ATXN1: variants seen among roughly 807,000 people sequenced by gnomAD.
The protein encoded by ATXN1 is ataxin 1, also known as ataxin-1.
In ATXN1, 8 loss-of-function variants were observed where a neutral mutation model predicts 56.4. The observed-to-expected ratio is 0.14, with a 90% CI of 0.08 to 0.26. ATXN1 has a LOEUF of 0.26. Among genes scored for constraint, ATXN1 ranks in the 10% least tolerant of loss-of-function variants. The pLI, the probability that ATXN1 is intolerant of heterozygous loss-of-function variation, is 1.00. For missense variants in ATXN1, 987 were observed against 1,106.5 expected (o/e 0.89, Z 1.53); for synonymous variants, 514 against 494.6 (o/e 1.04, Z -0.52).
At chr6:16,513,655 C>T (rs1041499219) in intron 5 of ATXN1, among the ~76,000 whole-genome samples, 2 of 152,082 alleles carry the variant, frequency 1.3e-5, no homozygotes, top group East Asian at 3.9e-4. Context: ...CACGTGTCTT[C>T]CAAGCCAAGT....
At chr6:16,457,089 A>G (rs1759891499) in intron 6 of ATXN1, among the ~76,000 whole-genome samples, 1 of 152,302 alleles carries the variant, frequency 6.6e-6, no homozygotes, top group East Asian at 1.9e-4. Flanking sequence ...TTTATAGTAC[A>G]AGGGTAAGGT....
intron 2 of ATXN1, among the ~76,000 whole-genome samples, chr6:16,745,031 T>G (rs1194324457): frequency 6.6e-6 from 1 of 152,112 alleles, no homozygotes; most frequent in Non-Finnish European, 1.5e-5. Flanking sequence ...AAAGAACAAT[T>G]AGTAAATAAA....
At chr6:16,450,804 T>A (rs966184961) in intron 6 of ATXN1, among the ~76,000 whole-genome samples, 1 of 152,322 alleles carries the variant, frequency 6.6e-6, no homozygotes. Flanking sequence ...AGGTGAAGGA[T>A]GTCAACCCCA....
chr6:16,414,291 C>T (rs1303040613), intron 6 of ATXN1, among the ~76,000 whole-genome samples: 4 of 152,186 alleles, frequency 2.6e-5, no homozygotes, highest in African/African-American at 7.2e-5. Flanking sequence ...GAGACAGCAT[C>T]GAGCCAACTG....
At chr6:16,500,468 C>T (rs572485223) in intron 5 of ATXN1, among the ~76,000 whole-genome samples, 6 of 152,214 alleles carry the variant, frequency 3.9e-5, no homozygotes, top group South Asian at 2.1e-4. Flanking sequence ...TGGAATGGGA[C>T]GAGGGGATAA....
At chr6:16,503,024 A>G (rs1045792003) in intron 5 of ATXN1, among the ~76,000 whole-genome samples, 6 of 150,074 alleles carry the variant, frequency 4.0e-5, no homozygotes, top group Admixed American at 6.6e-5. Context: ...ACCAACTATA[A>G]TAATTTTTTA....
At chr6:16,535,203 G>A (rs944907925) in intron 4 of ATXN1, among the ~76,000 whole-genome samples, 1 of 152,182 alleles carries the variant, frequency 6.6e-6, no homozygotes, top group African/African-American at 2.4e-5. Context: ...AAGAGGGGGA[G>A]CTAATATGTG....
At chr6:16,638,437 C>A (rs185468981) in intron 3 of ATXN1, among the ~76,000 whole-genome samples, 171 of 126,984 alleles carry the variant, frequency 1.3e-3, no homozygotes, top group African/African-American at 5.6e-3. Flanking sequence ...CAGAGCTAGA[C>A]GCTGCCTCAA....
At chr6:16,546,998 G>A (rs990879471) in intron 4 of ATXN1, among the ~76,000 whole-genome samples, 6 of 152,170 alleles carry the variant, frequency 3.9e-5, no homozygotes, top group African/African-American at 1.2e-4. Flanking sequence ...CTCCCCTTGG[G>A]GAAGTTCTAG....
chr6:16,486,436 C>T (rs1760546092), intron 5 of ATXN1, among the ~76,000 whole-genome samples: 2 of 152,198 alleles, frequency 1.3e-5, no homozygotes, highest in Admixed American at 6.5e-5. Flanking sequence ...GCACCTTCTG[C>T]CACTGTCATA....
At chr6:16,381,004 A>C (rs1758097473) in intron 6 of ATXN1, among the ~76,000 whole-genome samples, 1 of 152,168 alleles carries the variant, frequency 6.6e-6, no homozygotes, top group African/African-American at 2.4e-5. Flanking sequence ...GAAAAGGGGA[A>C]ATGTGGGCTG....
chr6:16,462,939 A>G (rs1760028567), intron 6 of ATXN1, among the ~76,000 whole-genome samples: 1 of 152,070 alleles, frequency 6.6e-6, no homozygotes, highest in Non-Finnish European at 1.5e-5. Context: ...AATGGCAAAC[A>G]TACTCCCTGT....
At chr6:16,397,827 C>T (rs1213889434) in intron 6 of ATXN1, among the ~76,000 whole-genome samples, 1 of 151,756 alleles carries the variant, frequency 6.6e-6, no homozygotes, top group East Asian at 1.9e-4. Context: ...ATACTATCTT[C>T]AAGAACAAAA....
chr6:16,363,377 G>A (rs896924209), intron 6 of ATXN1, among the ~76,000 whole-genome samples: 9 of 152,230 alleles, frequency 5.9e-5, no homozygotes, highest in African/African-American at 2.2e-4. Flanking sequence ...TAACTGCTGA[G>A]GACTTCAGAA....
At chr6:16,344,902 G>A (rs1761344257) in intron 6 of ATXN1, among the ~76,000 whole-genome samples, 1 of 152,184 alleles carries the variant, frequency 6.6e-6, no homozygotes, top group African/African-American at 2.4e-5. Flanking sequence ...TAAACTCTCA[G>A]CAAAGCCACT....
chr6:16,745,171 T>C (rs1760481564), intron 2 of ATXN1, among the ~76,000 whole-genome samples: 1 of 152,218 alleles, frequency 6.6e-6, no homozygotes, highest in Non-Finnish European at 1.5e-5. Flanking sequence ...GACATTCTTA[T>C]ATCATTAGTA....
intron 4 of ATXN1, among the ~76,000 whole-genome samples, chr6:16,538,262 G>C (rs956498194): frequency 2.0e-5 from 3 of 152,116 alleles, no homozygotes; most frequent in African/African-American, 7.2e-5. Flanking sequence ...TAACCTCACT[G>C]TTTTCAGATA....
rs555983669 is a variant in ATXN1 at position 16,600,296 on chromosome 6, G to A, written c.-488-14389C>T. On this transcript the variant is annotated intron_variant, in intron 3 of 7. Transcript: ENST00000436367. ...CATCCGGTGCTTCTCAAAGCCAAAG[G>A]AAATGATTTTGGAGCAACACATCAC... 3.3e-5 allele frequency among the ~76,000 whole-genome samples: 5 copies of A among 152,196 alleles called. No individual in the cohort carries two copies. In the South Asian group the frequency reaches 6.2e-4, roughly 19 times the overall value.
chr6:16,573,627 T>C (rs564171526), intron 4 of ATXN1, among the ~76,000 whole-genome samples: 1 of 152,144 alleles, frequency 6.6e-6, no homozygotes, highest in African/African-American at 2.4e-5. Context: ...TTCACATTCC[T>C]CCGCCAGGTC....
Sources: gnomAD v4.1 joint callset for allele counts (sites outside exome capture counted in the v4.1 genomes callset) on GRCh38, gnomAD v4.1.1 for gene constraint, MANE v1.5 for transcripts, NCBI Gene and HGNC (gene_info 2026-07-23, HGNC 2026-07-21) for gene names.